Variants in KAZN observed in about 807,000 individuals in gnomAD.
KAZN encodes the protein kazrin, periplakin interacting protein.
In KAZN, 40 loss-of-function variants were observed where a neutral mutation model predicts 87.4. That is an observed-to-expected ratio of 0.46 (90% CI 0.36 to 0.60). The LOEUF (loss-of-function observed/expected upper bound fraction) is 0.60, where lower values mean the gene tolerates loss of function less well. Among genes scored for constraint, KAZN ranks in the 20% least tolerant of loss-of-function variants. KAZN has a pLI of 0.00. For missense variants in KAZN, 898 were observed against 1,073.9 expected, an observed-to-expected ratio of 0.84 and a Z score of 2.29; for synonymous variants, 466 against 458.3, an observed-to-expected ratio of 1.02 and a Z score of -0.22.
intron 2 of KAZN, among the ~76,000 whole-genome samples, chr1:14,270,248 C>T (rs1235386726): frequency 1.3e-5 from 2 of 152,192 alleles, no homozygotes; most frequent in Non-Finnish European, 2.9e-5. Flanking sequence ...AGCCTTGGAT[C>T]TACGGCAGTG....
At chr1:15,098,265 G>A (rs1640885465) in intron 10 of KAZN, among the ~76,000 whole-genome samples, 1 of 152,234 alleles carries the variant, frequency 6.6e-6, no homozygotes, top group Non-Finnish European at 1.5e-5. Context: ...TAAAATGTCT[G>A]AATTCCTTTT....
At chr1:14,240,430 G>A (rs1227270872) in intron 2 of KAZN, among the ~76,000 whole-genome samples, 2 of 152,214 alleles carry the variant, frequency 1.3e-5, no homozygotes, top group East Asian at 3.9e-4. Context: ...GGATTTTGGT[G>A]CCACTTTCTG....
At chr1:14,676,986 A>C (rs1640261555) in intron 1 of KAZN, among the ~76,000 whole-genome samples, 2 of 152,108 alleles carry the variant, frequency 1.3e-5, no homozygotes, top group South Asian at 4.1e-4. Flanking sequence ...ATTAACACAC[A>C]TATAGGAAAG....
intron 2 of KAZN, among the ~76,000 whole-genome samples, chr1:14,259,935 G>A (rs1006918406): frequency 6.6e-6 from 1 of 152,218 alleles, no homozygotes; most frequent in Non-Finnish European, 1.5e-5. Context: ...TTACCAAAGT[G>A]CAAGGTTTTA....
intron 6 of KAZN, 60 bp downstream of exon 6, chr1:15,060,362 G>T: frequency 6.2e-7 from 1 of 1,602,778 alleles, no homozygotes; most frequent in South Asian, 1.1e-5. Flanking sequence ...TGCAGGGGCG[G>T]GGGTGGCGGG....
chr1:13,894,336 T>C (rs533380994), intron 1 of KAZN, among the ~76,000 whole-genome samples: 34 of 152,216 alleles, frequency 2.2e-4, no homozygotes, highest in African/African-American at 7.0e-4. Context: ...AAGGGAAAGA[T>C]TGGCATGGGC....
chr1:14,507,984 A>T (rs1244374304), intron 2 of KAZN, among the ~76,000 whole-genome samples: 2 of 151,558 alleles, frequency 1.3e-5, no homozygotes, highest in Admixed American at 6.6e-5. Flanking sequence ...TAAATAAAAA[A>T]AAAAAAAATG....
intron 2 of KAZN, among the ~76,000 whole-genome samples, chr1:14,501,958 G>A (rs1030821692): frequency 6.6e-6 from 1 of 152,204 alleles, no homozygotes; most frequent in Non-Finnish European, 1.5e-5. Flanking sequence ...GGGACCAAGG[G>A]AGGGGAGAAT....
intron 1 of KAZN, among the ~76,000 whole-genome samples, chr1:14,675,086 T>C (rs1016987570): frequency 6.6e-6 from 1 of 152,198 alleles, no homozygotes; most frequent in African/African-American, 2.4e-5. Context: ...TCTCGTGGTG[T>C]TAGTTATTTA....
chr1:14,489,000 C>T (rs977913741), intron 2 of KAZN, among the ~76,000 whole-genome samples: 1 of 152,170 alleles, frequency 6.6e-6, no homozygotes, highest in African/African-American at 2.4e-5. Context: ...TGGCGATTAA[C>T]TTAATTGTAT....
intron 1 of KAZN, among the ~76,000 whole-genome samples, chr1:14,819,378 G>T (rs1646669056): frequency 6.6e-6 from 1 of 152,160 alleles, no homozygotes; most frequent in South Asian, 2.1e-4. Context: ...GAGTTCAGAT[G>T]TTGCTGGGAA....
chr1:14,288,051 C>T (rs931323637), intron 2 of KAZN, among the ~76,000 whole-genome samples: 2 of 152,160 alleles, frequency 1.3e-5, no homozygotes, highest in Admixed American at 6.5e-5. Flanking sequence ...GGTGGATAAG[C>T]TTTTTGATGT....
At chr1:14,990,348 G>A (rs960473146) in intron 2 of KAZN, among the ~76,000 whole-genome samples, 4 of 152,120 alleles carry the variant, frequency 2.6e-5, no homozygotes, top group South Asian at 2.1e-4. Flanking sequence ...TCAGCCTCCC[G>A]AGTAGCTAGG....
chr1:14,477,555 G>C (rs565980436), intron 2 of KAZN, among the ~76,000 whole-genome samples: 1 of 151,694 alleles, frequency 6.6e-6, no homozygotes, highest in African/African-American at 2.4e-5. Flanking sequence ...CGTGTACAAG[G>C]CTTGTGCGTC....
intron 1 of KAZN, among the ~76,000 whole-genome samples, chr1:14,833,757 G>A (rs371455231): frequency 5.3e-5 from 8 of 151,982 alleles, no homozygotes; most frequent in East Asian, 1.9e-4. Flanking sequence ...TCCTCGTCCC[G>A]GAACCCTTGC....
At chr1:14,715,779 A>C (rs1642761907) in intron 1 of KAZN, among the ~76,000 whole-genome samples, 1 of 152,146 alleles carries the variant, frequency 6.6e-6, no homozygotes, top group Non-Finnish European at 1.5e-5. Context: ...TTAAGTCGGT[A>C]TTTAAAAGGC....
chr1:14,599,152 C>T lies in KAZN; in HGVS notation c.155C>T (p.Ala52Val). The change falls in exon 1 of 15, where the codon GCC becomes GTC. Residue 52 changes from alanine to valine, a missense_variant. This residue lies in a region of KAZN where 250 missense variants were observed against 263.0 expected (regional missense o/e 0.95). Transcript: ENST00000376030. The surrounding 1 kb of genome is among the most constrained non-coding windows in gnomAD (Gnocchi z 4.4). ...GGCGGCCCCGGCCCGGGCCCGGGAGCCGCGGCCAGCGCCTCGGCGGCGGGG... is the reference window on the plus strand; with the variant it reads ...GGCGGCCCCGGCCCGGGCCCGGGAGTCGCGGCCAGCGCCTCGGCGGCGGGG... ...GGGGPGPGPGAAASASAAGDS... is the reference protein window; with the variant it reads ...GGGGPGPGPGVAASASAAGDS... 7.1e-7 allele frequency: 1 copy of T among 1,401,340 alleles called. No homozygotes were observed. The highest frequency in any genetic ancestry group is 9.2e-7 in the Non-Finnish European group (1 of 1,081,996). The allele number at this position is 1,401,340 out of a possible 1,614,324, so 86.8% of individuals were successfully genotyped here. A position where few individuals can be genotyped will look rare whatever the true frequency, so the allele number is the denominator to read the frequency against.
intron 2 of KAZN, among the ~76,000 whole-genome samples, chr1:14,475,841 AT>A (rs111276598): frequency 3.3e-5 from 5 of 150,668 alleles, no homozygotes; most frequent in Non-Finnish European, 4.4e-5. Flanking sequence ...ATTTTGTGGG[AT>A]TTTTTTTTTA....
At chr1:15,098,171 A>C (rs971571102) in intron 10 of KAZN, among the ~76,000 whole-genome samples, 5 of 152,266 alleles carry the variant, frequency 3.3e-5, no homozygotes, top group African/African-American at 1.2e-4. Context: ...GCCGTGACCC[A>C]GACAATATCT....
Sources: gnomAD v4.1 joint callset for allele counts (sites outside exome capture counted in the v4.1 genomes callset) on GRCh38, gnomAD v4.1.1 for gene constraint, gnomAD v4.1.1 regional missense constraint, Gnocchi (gnomAD v3.1) non-coding constraint, MANE v1.5 for transcripts, NCBI Gene and HGNC (gene_info 2026-07-23, HGNC 2026-07-21) for gene names.